The following DACH2 variants were observed in gnomAD, a reference collection of about 807,000 sequenced individuals.
DACH2 encodes the protein dachshund family transcription factor 2.
In DACH2, 17 loss-of-function variants were observed where a neutral mutation model predicts 35.8. The ratio of observed to expected loss-of-function variants is 0.48; its 90% CI spans 0.33 to 0.71. The LOEUF is 0.71. Among genes scored for constraint, DACH2 ranks in the 30% least tolerant of loss-of-function variants. The pLI is 0.02. For synonymous variants in DACH2, 195 were observed against 177.3 expected, an observed-to-expected ratio of 1.10 and a Z score of -0.79; for missense variants, 469 against 472.7, an observed-to-expected ratio of 0.99 and a Z score of 0.07.
chrX:86,151,709 G>A (rs1164023676), intron 1 of DACH2, among the ~76,000 whole-genome samples: 1 of 111,455 alleles, frequency 9.0e-6, no homozygotes, highest in Non-Finnish European at 1.9e-5. Flanking sequence ...TTACAGAAAT[G>A]TATACTTTAA....
At chrX:86,709,499 A>G (rs1215022852) in intron 5 of DACH2, among the ~76,000 whole-genome samples, 1 of 112,047 alleles carries the variant, frequency 8.9e-6, no homozygotes, top group African/African-American at 3.2e-5. Context: ...GGGTTTGACA[A>G]TGTGGTTTTA....
chrX:86,431,970 C>T (rs902057787), intron 2 of DACH2, among the ~76,000 whole-genome samples: 33 of 111,898 alleles, frequency 2.9e-4, no homozygotes, highest in African/African-American at 1.0e-3. Context: ...AGAGTTTTTA[C>T]AGTCTCAGTA....
At chrX:86,419,980 T>TA (rs1478453896) in intron 2 of DACH2, among the ~76,000 whole-genome samples, 1 of 111,864 alleles carries the variant, frequency 8.9e-6, no homozygotes, top group Non-Finnish European at 1.9e-5. Context: ...TATGCTCAGA[T>TA]AAAAAAATTA....
intron 1 of DACH2, among the ~76,000 whole-genome samples, chrX:86,270,037 A>T (rs1035885020): frequency 9.2e-4 from 88 of 95,767 alleles, no homozygotes; most frequent in Non-Finnish European, 7.9e-4. Context: ...ATATATATAT[A>T]TATTTTTTTT....
At chrX:86,809,682 C>T (rs2042376939) in intron 7 of DACH2, among the ~76,000 whole-genome samples, 1 of 111,298 alleles carries the variant, frequency 9.0e-6, no homozygotes, top group Non-Finnish European at 1.9e-5. Flanking sequence ...TAAGTAGAAT[C>T]CTTCTTCTTT....
intron 4 of DACH2, among the ~76,000 whole-genome samples, chrX:86,658,479 C>A (rs1185381336): frequency 1.8e-5 from 2 of 111,471 alleles, no homozygotes; most frequent in Admixed American, 9.6e-5. Flanking sequence ...CCTATAGTTT[C>A]TTTGATTTGA....
At chrX:86,621,559 A>T (rs1235857232) in intron 3 of DACH2, among the ~76,000 whole-genome samples, 1 of 111,581 alleles carries the variant, frequency 9.0e-6, no homozygotes, top group East Asian at 2.8e-4. Flanking sequence ...AATAAAAAAA[A>T]AAGAAGAATA....
intron 2 of DACH2, among the ~76,000 whole-genome samples, chrX:86,415,240 T>C (rs1191303785): frequency 1.8e-5 from 2 of 111,827 alleles, no homozygotes; most frequent in Non-Finnish European, 3.8e-5. Context: ...GCTGGGATCT[T>C]TTCTTTCTTT....
chrX:86,156,859 A>G (rs2030563260), intron 1 of DACH2, among the ~76,000 whole-genome samples: 1 of 111,496 alleles, frequency 9.0e-6, no homozygotes, highest in South Asian at 3.7e-4. Flanking sequence ...AATAGAATAC[A>G]AATACATGTT....
chrX:86,246,256 T>G (rs1960303), intron 1 of DACH2, among the ~76,000 whole-genome samples: 47,271 of 107,252 alleles, frequency 0.44, 7,319 homozygotes, highest in South Asian at 0.75. Context: ...GAAGATATTG[T>G]CCATGAAAAA....
At chrX:86,607,449 A>C (rs1272444544) in intron 3 of DACH2, among the ~76,000 whole-genome samples, 1 of 111,552 alleles carries the variant, frequency 9.0e-6, no homozygotes, top group Non-Finnish European at 1.9e-5. Flanking sequence ...CATTTGCATA[A>C]ATAAAGAAAC....
At chrX:86,743,426 A>G (rs1257076369) in intron 7 of DACH2, among the ~76,000 whole-genome samples, 2 of 111,590 alleles carry the variant, frequency 1.8e-5, no homozygotes, top group African/African-American at 3.2e-5. Flanking sequence ...ATCATATGGC[A>G]TGGGTTATGC....
At chrX:86,479,363 G>A (rs1291459727) in intron 2 of DACH2, among the ~76,000 whole-genome samples, 1 of 110,563 alleles carries the variant, frequency 9.0e-6, no homozygotes, top group African/African-American at 3.3e-5. Context: ...CCTGAGGATG[G>A]AGCCCTCAAC....
intron 3 of DACH2, among the ~76,000 whole-genome samples, chrX:86,567,955 A>G (rs1182123978): frequency 1.8e-5 from 2 of 111,636 alleles, no homozygotes; most frequent in Non-Finnish European, 3.8e-5. Flanking sequence ...CATCAAGACA[A>G]TTGAATATTA....
At chrX:86,415,369 A>T (rs1210905114) in intron 2 of DACH2, among the ~76,000 whole-genome samples, 7 of 111,745 alleles carry the variant, frequency 6.3e-5, no homozygotes, top group Non-Finnish European at 9.4e-5. Flanking sequence ...CTCTATTGAA[A>T]GCAAGCCAGT....
At chrX:86,263,452 T>A (rs1007257346) in intron 1 of DACH2, among the ~76,000 whole-genome samples, 7 of 111,764 alleles carry the variant, frequency 6.3e-5, no homozygotes, top group African/African-American at 2.3e-4. Flanking sequence ...ACAAGTAGAT[T>A]AACAACATGG....
intron 1 of DACH2, among the ~76,000 whole-genome samples, chrX:86,223,028 A>G (rs1206112705): frequency 8.9e-6 from 1 of 111,954 alleles, no homozygotes; most frequent in African/African-American, 3.2e-5. Context: ...GTTATGATGC[A>G]ATGTAAACCT....
At chrX:86,496,969 A>G (rs1442929684) in intron 2 of DACH2, among the ~76,000 whole-genome samples, 5 of 112,086 alleles carry the variant, frequency 4.5e-5, no homozygotes, top group Non-Finnish European at 7.5e-5. Context: ...GGTGAAGGTT[A>G]ATGAAATTAA....
chrX:86,709,186 T>C lies in DACH2; in HGVS notation c.932-5362T>C, dbSNP rs1305068117. On this transcript the variant is annotated intron_variant, in intron 5 of 11. Coordinates refer to ENST00000373125, the MANE Select transcript of DACH2 (RefSeq NM_053281.3). Reference sequence around the variant, plus strand: ...TTATAGTAATCATGGTAGTGTGATTTTGGCAAAAGAACTGACAAGTAGATT... The same window carrying C: ...TTATAGTAATCATGGTAGTGTGATTCTGGCAAAAGAACTGACAAGTAGATT... 2.7e-5 allele frequency among the ~76,000 whole-genome samples: 3 copies of C among 111,973 alleles called. No individual in the cohort carries two copies. The East Asian group carries it at 8.4e-4, about 31-fold the overall frequency.
Sources: allele counts gnomAD v4.1 joint callset (sites outside exome capture counted in the v4.1 genomes callset), GRCh38; gene constraint gnomAD v4.1.1; transcripts MANE v1.5; gene names NCBI Gene and HGNC (gene_info 2026-07-23, HGNC 2026-07-21).